Variants in CLPB observed in about 807,000 individuals in gnomAD.
CLPB encodes ClpB family mitochondrial disaggregase, also known as mitochondrial disaggregase.
Under a neutral mutation model 78.4 loss-of-function variants are expected in CLPB, and 40 were observed. The observed-to-expected ratio is 0.51, with a 90% CI of 0.40 to 0.66. The LOEUF (loss-of-function observed/expected upper bound fraction) is 0.66. Among genes scored for constraint, CLPB ranks in the 30% least tolerant of loss-of-function variants. The probability of loss-of-function intolerance (pLI) is 0.00; values close to 1 mark genes in which losing one functional copy is unlikely to be tolerated. For synonymous variants in CLPB, 333 were observed against 348.0 expected (o/e 0.96, Z 0.48); for missense variants, 780 against 886.9 (o/e 0.88, Z 1.53).
At chr11:72,432,397 T>C in intron 1 of CLPB, among the ~76,000 whole-genome samples, 1 of 152,166 alleles carries the variant, frequency 6.6e-6, no homozygotes, top group Non-Finnish European at 1.5e-5. Flanking sequence ...CCCCTTTCCG[T>C]TTCTACTTCA....
intron 1 of CLPB, among the ~76,000 whole-genome samples, chr11:72,430,678 C>T (rs1382730666): frequency 6.6e-6 from 1 of 152,218 alleles, no homozygotes; most frequent in East Asian, 1.9e-4. Flanking sequence ...CTATGAAGCT[C>T]TGCATATGCT....
intron 5 of CLPB, among the ~76,000 whole-genome samples, chr11:72,333,386 G>A (rs1950262973): frequency 6.6e-6 from 1 of 152,220 alleles, no homozygotes; most frequent in South Asian, 2.1e-4. Context: ...GCAAGCCTCT[G>A]TGTGCAGGAT....
At chr11:72,334,064 A>G (rs1950276988) in intron 5 of CLPB, among the ~76,000 whole-genome samples, 2 of 152,196 alleles carry the variant, frequency 1.3e-5, no homozygotes, top group South Asian at 2.1e-4. Context: ...AGGAGGGGCA[A>G]GAGGAGAGAA....
At chr11:72,382,675 T>C (rs1315511065) in intron 3 of CLPB, among the ~76,000 whole-genome samples, 1 of 152,168 alleles carries the variant, frequency 6.6e-6, no homozygotes, top group African/African-American at 2.4e-5. Context: ...CCACACAAGA[T>C]GGCCTGCCCA....
In CLPB at chr11:72,409,609, G is replaced by A. The variant is rs1435336331; in HGVS notation, c.456-6557C>T. On this transcript the variant is annotated intron_variant, in intron 2 of 15. Coordinates refer to ENST00000538039, the MANE Select transcript of CLPB (RefSeq NM_001258392.3). ...AAAAACAAAAAAAAAGTCCAGAGTT[G>A]AATCCAAGCTCTTGCACAACTCTCA... Among the ~76,000 whole-genome samples the A allele has an allele frequency of 5.9e-5, 9 of 152,100 alleles. No homozygotes were observed. The East Asian group carries it at 1.7e-3, about 29-fold the overall frequency.
intron 3 of CLPB, among the ~76,000 whole-genome samples, chr11:72,391,079 T>C (rs769545578): frequency 6.6e-6 from 1 of 152,222 alleles, no homozygotes; most frequent in African/African-American, 2.4e-5. Context: ...TTAATTGAAC[T>C]TGACCATTTG....
At chr11:72,365,538 C>A (rs955050745) in intron 4 of CLPB, among the ~76,000 whole-genome samples, 1 of 152,080 alleles carries the variant, frequency 6.6e-6, no homozygotes, top group Admixed American at 6.6e-5. Context: ...ACTATATAAA[C>A]CATTGAGTTA....
Position 72,292,632 on chromosome 11 carries a change from G to A in CLPB, c.*735C>T, listed in dbSNP as rs1790404658. 1 of 152,280 alleles carries A rather than the reference G, an allele frequency of 6.6e-6. No individual in the cohort carries two copies. The highest frequency in any genetic ancestry group is 3.4e-3 in the Middle Eastern group (1 of 294). The allele number at this position is 152,280 out of a possible 1,614,324, so 9.4% of individuals were successfully genotyped here. Reference sequence around the variant, plus strand: ...AGAGCTGAGCTTGCTTGGTTATCTGGGACTGCTGCTCAGTCTGAGTAGGGG... The same window carrying A: ...AGAGCTGAGCTTGCTTGGTTATCTGAGACTGCTGCTCAGTCTGAGTAGGGG... On this transcript the variant is annotated 3_prime_UTR_variant, in exon 16 of 16. Transcript: ENST00000538039.
intron 3 of CLPB, among the ~76,000 whole-genome samples, chr11:72,386,422 A>G (rs1363642077): frequency 1.3e-5 from 2 of 152,218 alleles, no homozygotes; most frequent in African/African-American, 2.4e-5. Context: ...ACTATTAAAA[A>G]GCCAAACTAT....
At chr11:72,329,922 A>G in intron 5 of CLPB, 118 bp from the exon 6 acceptor site, 1 of 687,602 alleles carries the variant, frequency 1.5e-6, no homozygotes, top group Non-Finnish European at 2.5e-6. Flanking sequence ...GGACACCTAC[A>G]AATGGTGGAA....
chr11:72,363,394 C>G (rs2135629252), intron 4 of CLPB: 1 of 152,308 alleles, frequency 6.6e-6, no homozygotes, highest in African/African-American at 2.4e-5. Context: ...TGAAGACAAC[C>G]CTAGCTTTGA....
intron 11 of CLPB, among the ~76,000 whole-genome samples, chr11:72,297,635 A>AGG (rs1949573850): frequency 1.1e-4 from 8 of 72,192 alleles, no homozygotes; most frequent in Non-Finnish European, 2.1e-4. Flanking sequence ...TTTGGGGACC[A>AGG]GGTGTGTGTG....
At chr11:72,408,352 G>T in intron 2 of CLPB, 1 of 652,874 alleles carries the variant, frequency 1.5e-6, no homozygotes, top group Non-Finnish European at 2.6e-6. Context: ...ATTTCGTAAG[G>T]AGTGGTGGCA....
rs67807556 is a variant in CLPB, at chr11:72,297,636, G to GGTGTGTGTGTGTGT, written c.1330-2002_1330-1989dup. On this transcript the variant is annotated intron_variant, in intron 11 of 15. Transcript: ENST00000538039. Reference sequence around the variant, plus strand: ...AGGGCAGTTCTAGTTTTGGGGACCAGGTGTGTGTGTGTGTGTGTGTGTGTG... The same window carrying GGTGTGTGTGTGTGT: ...AGGGCAGTTCTAGTTTTGGGGACCAGGTGTGTGTGTGTGTGTGTGTGTGTGTGTGTGTGTGTGTG... Among the ~76,000 whole-genome samples, 184 of 93,446 alleles carry GGTGTGTGTGTGTGT rather than the reference G, an allele frequency of 2.0e-3. 8 individuals are homozygous for GGTGTGTGTGTGTGT. The highest frequency in any genetic ancestry group is 6.3e-3 in the Middle Eastern group (1 of 160). The allele number at this position is 93,446 out of a possible 152,430, so 61.3% of individuals were successfully genotyped here.
intron 7 of CLPB, among the ~76,000 whole-genome samples, chr11:72,314,007 C>T (rs920350153): frequency 1.3e-5 from 2 of 152,126 alleles, no homozygotes; most frequent in African/African-American, 4.8e-5. Flanking sequence ...CAGGGATGAC[C>T]TAGATGTATT....
chr11:72,349,930 T>C (rs987975249), intron 5 of CLPB, among the ~76,000 whole-genome samples: 2 of 152,196 alleles, frequency 1.3e-5, no homozygotes, highest in Admixed American at 1.3e-4. Flanking sequence ...CTGGCGGTGA[T>C]GAGGTCATGC....
chr11:72,412,429 A>G (rs1855906023), intron 2 of CLPB, among the ~76,000 whole-genome samples: 1 of 152,238 alleles, frequency 6.6e-6, no homozygotes, highest in African/African-American at 2.4e-5. Context: ...CATGTTTCAT[A>G]GCTGGCTATT....
intron 2 of CLPB, among the ~76,000 whole-genome samples, chr11:72,428,309 C>T (rs912742128): frequency 1.3e-5 from 2 of 152,164 alleles, no homozygotes; most frequent in Non-Finnish European, 2.9e-5. Context: ...TGCAGTCCAT[C>T]CTTCACTCCT....
intron 4 of CLPB, among the ~76,000 whole-genome samples, chr11:72,362,072 T>C (rs1201399934): frequency 1.3e-5 from 2 of 152,214 alleles, no homozygotes; most frequent in Non-Finnish European, 2.9e-5. Context: ...TCATCTCTCA[T>C]CATCACCTTT....
Sources: allele counts gnomAD v4.1 joint callset (sites outside exome capture counted in the v4.1 genomes callset), GRCh38; gene constraint gnomAD v4.1.1; transcripts MANE v1.5; gene names NCBI Gene and HGNC (gene_info 2026-07-23, HGNC 2026-07-21).